CTNNAL1: variants seen among roughly 807,000 people sequenced by gnomAD.
CTNNAL1 encodes the protein alpha-catulin.
In CTNNAL1, 69 loss-of-function variants were observed where a neutral mutation model predicts 93.6. The observed-to-expected ratio is 0.74, with a 90% CI of 0.61 to 0.90. The LOEUF is 0.90. CTNNAL1 is among the 40% of genes least tolerant of loss of function. The probability of loss-of-function intolerance (pLI) is 0.00; values close to 1 mark genes in which losing one functional copy is unlikely to be tolerated. For synonymous variants in CTNNAL1, 286 were observed against 305.4 expected (o/e 0.94, Z 0.66); for missense variants, 836 against 862.0 (o/e 0.97, Z 0.38).
intron 7 of CTNNAL1, among the ~76,000 whole-genome samples, chr9:108,977,710 T>TTCA (rs1224372165): frequency 6.6e-6 from 1 of 152,222 alleles, no homozygotes; most frequent in Non-Finnish European, 1.5e-5. Context: ...AGGTCGTAGA[T>TTCA]ATTCAATTCT....
At chr9:108,956,700 T>C (rs550894677) in intron 11 of CTNNAL1, among the ~76,000 whole-genome samples, 7 of 152,330 alleles carry the variant, frequency 4.6e-5, no homozygotes, top group Non-Finnish European at 7.4e-5. Flanking sequence ...CCTTTTCTCA[T>C]AGAATGACTA....
Position 108,994,136 on chromosome 9 carries a change from G to A in CTNNAL1, c.332-1317C>T, listed in dbSNP as rs371510717. ...AATCCCAGCTACTCAGGAGGCTGAG[G>A]CAGAGAATCGCTTGGACCTGGGAAG... is the stretch of plus-strand genomic sequence containing the variant. On this transcript the variant is annotated intron_variant, in intron 2 of 18. Transcript: ENST00000325551. Among the ~76,000 whole-genome samples, 9 of 152,264 alleles carry A rather than the reference G, an allele frequency of 5.9e-5. No individual in the cohort carries two copies. In the East Asian group the frequency reaches 1.7e-3, roughly 29 times the overall value.
intron 7 of CTNNAL1, among the ~76,000 whole-genome samples, chr9:108,977,963 G>C (rs953352991): frequency 1.3e-5 from 2 of 152,108 alleles, no homozygotes; most frequent in Non-Finnish European, 2.9e-5. Context: ...CATATAAAAG[G>C]CACCAGTAAC....
chr9:108,991,845 C>G, intron 3 of CTNNAL1: 1 of 505,736 alleles, frequency 2.0e-6, no homozygotes, highest in Non-Finnish European at 3.5e-6. Context: ...AGGGAATTAT[C>G]CAAAGCAAGA....
intron 16 of CTNNAL1, 67 bp from the exon 17 acceptor site, chr9:108,943,883 T>G (rs1830320417): frequency 6.3e-7 from 1 of 1,599,538 alleles, no homozygotes; most frequent in East Asian, 2.2e-5. Flanking sequence ...CTTAAACACA[T>G]TTATACATTG....
intron 1 of CTNNAL1, among the ~76,000 whole-genome samples, chr9:109,010,777 C>T: frequency 6.6e-6 from 1 of 152,256 alleles, no homozygotes; most frequent in South Asian, 2.1e-4. Context: ...CTAGATGATA[C>T]CAGAATAGAA....
rs775876992 is a variant in CTNNAL1, at chr9:108,943,746, T to C, written c.2012A>G (p.Gln671Arg). Reference protein sequence around the residue: ...NKLIPLCHQLQTVTKTSLQNK... With the variant: ...NKLIPLCHQLRTVTKTSLQNK... ...CTGCAAAGAAGTCTTAGTTACTGTC[T>C]GGAGCTGGTGGCATAGAGGAATTAG... The change falls in exon 17 of 19, where the codon CAG (glutamine) becomes CGG (arginine). Residue 671 changes from glutamine to arginine, a missense_variant. Gln to Arg is a conservative substitution (Grantham distance 43). Transcript: ENST00000325551. 1.4e-5 allele frequency: 22 copies of C among 1,613,730 alleles called. No individual in the cohort carries two copies. Among genetic ancestry groups the C allele is most frequent in the Middle Eastern group, 1.6e-4 (1 of 6,084 alleles).
intron 6 of CTNNAL1, 130 bp downstream of exon 6, chr9:108,983,015 T>C (rs1345382787): frequency 6.5e-6 from 5 of 771,070 alleles, no homozygotes; most frequent in Admixed American, 4.7e-5. Flanking sequence ...GAGGTGGAGG[T>C]TGCAGTGAGC....
At position 108,972,777 on chromosome 9, in the gene CTNNAL1, A is replaced by G. The variant is rs1831151906; in HGVS notation, c.1245T>C (p.His415=). Reference sequence around the variant, plus strand: ...TAAGTTTTAATGCTTTTAGAACCACATGATCAGCATGGTATTTTAATAGAT... The same window carrying G: ...TAAGTTTTAATGCTTTTAGAACCACGTGATCAGCATGGTATTTTAATAGAT... ...AADLLKYHAD[H]VVLKALKLTG... The change falls in exon 9 of 19, where the codon CAT becomes CAC. Residue 415 remains histidine (H), a synonymous_variant. Transcript: ENST00000325551. 2 of 1,411,086 alleles carry G rather than the reference A, an allele frequency of 1.4e-6. No individual in the cohort carries two copies. Among genetic ancestry groups the G allele is most frequent in the Non-Finnish European group, 1.9e-6 (2 of 1,055,980 alleles). 87.4% of individuals were successfully genotyped at this position (1,411,086 alleles called of 1,614,324 possible). A position where few individuals can be genotyped will look rare whatever the true frequency, so the allele number is the denominator to read the frequency against.
chr9:108,958,836 G>A (rs1224102165), intron 11 of CTNNAL1, among the ~76,000 whole-genome samples: 5 of 150,944 alleles, frequency 3.3e-5, no homozygotes, highest in East Asian at 1.9e-4. Context: ...AGCGATTCTC[G>A]TGCCTCAGCC....
chr9:109,004,699 T>C (rs2132213894), intron 1 of CTNNAL1, among the ~76,000 whole-genome samples: 1 of 152,068 alleles, frequency 6.6e-6, no homozygotes, highest in East Asian at 1.9e-4. Context: ...GGCAGGAGAA[T>C]TGCTTGAACC....
intron 8 of CTNNAL1, among the ~76,000 whole-genome samples, chr9:108,975,120 G>A (rs941712364): frequency 1.1e-4 from 16 of 152,074 alleles, no homozygotes; most frequent in African/African-American, 2.9e-4. Context: ...CCAAGATCAC[G>A]CCACTGCACT....
chr9:109,006,885 C>A (rs1194101719), intron 1 of CTNNAL1, among the ~76,000 whole-genome samples: 1 of 152,134 alleles, frequency 6.6e-6, no homozygotes, highest in Non-Finnish European at 1.5e-5. Flanking sequence ...TCTGACCTTT[C>A]TGTGACTCTG....
At chr9:108,986,901 T>G (rs545069789) in intron 4 of CTNNAL1, among the ~76,000 whole-genome samples, 4,148 of 152,304 alleles carry the variant, frequency 0.027, 186 homozygotes, top group African/African-American at 0.096. Context: ...TAAATTTGTT[T>G]GAGTTCATTG....
chr9:108,958,326 A>G (rs1830737634), intron 11 of CTNNAL1, among the ~76,000 whole-genome samples: 1 of 152,218 alleles, frequency 6.6e-6, no homozygotes, highest in African/African-American at 2.4e-5. Context: ...TAAAGCAAGT[A>G]GAATGTATAA....
intron 5 of CTNNAL1, among the ~76,000 whole-genome samples, chr9:108,983,984 T>C (rs1049883995): frequency 7.2e-5 from 11 of 152,236 alleles, no homozygotes; most frequent in Non-Finnish European, 2.9e-5. Context: ...GACTTCTTAC[T>C]CCACTGTATT....
At chr9:109,004,471 G>T (rs1048217647) in intron 1 of CTNNAL1, among the ~76,000 whole-genome samples, 1 of 152,102 alleles carries the variant, frequency 6.6e-6, no homozygotes, top group Non-Finnish European at 1.5e-5. Context: ...TAGCCATATT[G>T]CCTTCTCTGA....
intron 6 of CTNNAL1, among the ~76,000 whole-genome samples, chr9:108,980,390 A>G (rs933652352): frequency 5.3e-5 from 8 of 152,260 alleles, no homozygotes; most frequent in African/African-American, 1.9e-4. Flanking sequence ...AAGAGGCAAC[A>G]AGCGGTAATG....
In CTNNAL1 at chr9:108,952,292, C is replaced by T. The variant is rs1007342751; in HGVS notation, c.1752G>A (p.Glu584=). 1 of 1,614,118 alleles carries T rather than the reference C, an allele frequency of 6.2e-7. No individual in the cohort carries two copies. Among genetic ancestry groups the T allele is most frequent in the Admixed American group, 1.7e-5 (1 of 60,002 alleles). ...LLTSDADCEI[E]KWEDQENEIV... The stretch of plus-strand genomic sequence containing the variant: ...TCTCATTCTCCTGATCTTCCCACTT[C>T]TCAATTTCGCAGTCAGCGTCAGAGG... Residue 584 remains glutamate, a synonymous_variant, in exon 14 of 19, where the codon GAG becomes GAA. Transcript: ENST00000325551.
Sources: gnomAD v4.1 joint callset for allele counts (sites outside exome capture counted in the v4.1 genomes callset) on GRCh38, gnomAD v4.1.1 for gene constraint, MANE v1.5 for transcripts, NCBI Gene and HGNC (gene_info 2026-07-23, HGNC 2026-07-21) for gene names.